The following MGAT4C variants were observed in gnomAD, a reference collection of about 807,000 sequenced individuals.
MGAT4C encodes the protein MGAT4 family member C.
In MGAT4C, 19 loss-of-function variants were observed where a neutral mutation model predicts 40.1. The observed-to-expected ratio is 0.47, with a 90% CI of 0.33 to 0.70. MGAT4C has a LOEUF of 0.70. MGAT4C is among the 30% of genes least tolerant of loss of function. The pLI is 0.02. For synonymous variants in MGAT4C, 181 were observed against 187.1 expected (o/e 0.97, Z 0.27); for missense variants, 491 against 563.2 (o/e 0.87, Z 1.30).
chr12:86,816,148 T>C (rs1020260897), intron 1 of MGAT4C, among the ~76,000 whole-genome samples: 1 of 151,978 alleles, frequency 6.6e-6, no homozygotes, highest in African/African-American at 2.4e-5. Flanking sequence ...GATTGTATGA[T>C]GAAACATGAT....
chr12:86,617,912 G>A (rs1290087979), intron 2 of MGAT4C, among the ~76,000 whole-genome samples: 6 of 152,036 alleles, frequency 3.9e-5, no homozygotes, highest in Non-Finnish European at 7.4e-5. Context: ...GTGAATGAAA[G>A]GAAATACTTG....
At chr12:86,663,082 G>T (rs560515723) in intron 2 of MGAT4C, among the ~76,000 whole-genome samples, 30 of 152,030 alleles carry the variant, frequency 2.0e-4, no homozygotes, top group Non-Finnish European at 3.5e-4. Context: ...AAAAATAAGG[G>T]CCAGGAACTG....
chr12:86,098,676 C>T (rs1006923261), intron 1 of MGAT4C, among the ~76,000 whole-genome samples: 13 of 151,504 alleles, frequency 8.6e-5, no homozygotes, highest in African/African-American at 3.1e-4. Flanking sequence ...TAACATAGAT[C>T]TTTTAAAAAT....
chr12:86,478,392 T>C (rs891686000), intron 2 of MGAT4C, among the ~76,000 whole-genome samples: 4 of 152,144 alleles, frequency 2.6e-5, no homozygotes, highest in African/African-American at 9.7e-5. Flanking sequence ...AACAGTAATG[T>C]ATTCAGGATC....
intron 1 of MGAT4C, among the ~76,000 whole-genome samples, chr12:86,151,344 G>A (rs897566644): frequency 1.3e-5 from 2 of 152,092 alleles, no homozygotes; most frequent in African/African-American, 2.4e-5. Flanking sequence ...CGGGCGCGGT[G>A]GCTCACAACT....
intron 1 of MGAT4C, among the ~76,000 whole-genome samples, chr12:86,120,253 C>T (rs184678277): frequency 1.3e-4 from 19 of 151,424 alleles, no homozygotes; most frequent in African/African-American, 4.1e-4. Flanking sequence ...ACTTTAAGTT[C>T]GAGGGTACAT....
chr12:86,109,772 A>C (rs1228140695), intron 1 of MGAT4C, among the ~76,000 whole-genome samples: 1 of 152,006 alleles, frequency 6.6e-6, no homozygotes. Context: ...AATGTATGAA[A>C]TCCCTAACTT....
intron 2 of MGAT4C, among the ~76,000 whole-genome samples, chr12:86,560,219 T>G (rs908594035): frequency 6.6e-6 from 1 of 151,986 alleles, no homozygotes; most frequent in African/African-American, 2.4e-5. Flanking sequence ...AAAGGAGAGA[T>G]AACATCAATT....
intron 1 of MGAT4C, among the ~76,000 whole-genome samples, chr12:86,772,902 C>A (rs544254195): frequency 6.6e-6 from 1 of 152,148 alleles, no homozygotes; most frequent in South Asian, 2.1e-4. Context: ...GGAGTCTCAC[C>A]CACACGTGGA....
intron 3 of MGAT4C, among the ~76,000 whole-genome samples, chr12:86,344,366 C>T (rs190194772): frequency 1.2e-4 from 18 of 152,256 alleles, no homozygotes; most frequent in South Asian, 2.1e-4. Flanking sequence ...TTAGGTAAGG[C>T]GCTGAAGAAC....
At chr12:86,756,380 C>G (rs1208674277) in intron 1 of MGAT4C, among the ~76,000 whole-genome samples, 2 of 152,072 alleles carry the variant, frequency 1.3e-5, no homozygotes, top group East Asian at 3.9e-4. Context: ...CCTCTGTCTT[C>G]TAATATCACA....
At chr12:86,632,380 A>G (rs1963078571) in intron 2 of MGAT4C, among the ~76,000 whole-genome samples, 1 of 152,316 alleles carries the variant, frequency 6.6e-6, no homozygotes, top group East Asian at 1.9e-4. Context: ...TAGAAATACC[A>G]TTTGAACCAG....
chr12:86,193,607 A>G (rs1479832530), intron 1 of MGAT4C, among the ~76,000 whole-genome samples: 2 of 151,810 alleles, frequency 1.3e-5, no homozygotes, highest in South Asian at 2.1e-4. Flanking sequence ...TTTTCTTTTT[A>G]TTTGGAGGAT....
intron 3 of MGAT4C, among the ~76,000 whole-genome samples, chr12:86,363,161 T>C (rs1446546350): frequency 6.6e-6 from 1 of 152,060 alleles, no homozygotes; most frequent in African/African-American, 2.4e-5. Context: ...TAATATATTA[T>C]CAATATTATT....
intron 2 of MGAT4C, among the ~76,000 whole-genome samples, chr12:86,697,434 G>A (rs1014229031): frequency 6.6e-6 from 1 of 151,790 alleles, no homozygotes; most frequent in East Asian, 1.9e-4. Context: ...CATTTTATAT[G>A]TACAGTATGA....
chr12:86,556,871 G>A (rs1291591617), intron 2 of MGAT4C, among the ~76,000 whole-genome samples: 1 of 152,028 alleles, frequency 6.6e-6, no homozygotes, highest in African/African-American at 2.4e-5. Flanking sequence ...AATGTTGCAC[G>A]TTACATTAAT....
intron 2 of MGAT4C, among the ~76,000 whole-genome samples, chr12:86,037,935 G>T (rs962846252): frequency 2.7e-5 from 4 of 149,442 alleles, no homozygotes; most frequent in African/African-American, 9.7e-5. Context: ...AAGCGTTGGG[G>T]TGATCAGACC....
chr12:86,160,154 G>A (rs1885433304), intron 1 of MGAT4C, among the ~76,000 whole-genome samples: 1 of 151,758 alleles, frequency 6.6e-6, no homozygotes, highest in Admixed American at 6.6e-5. Flanking sequence ...AGATCTTTCT[G>A]TCTTGACAAA....
chr12:86,407,673 A>G (rs1956502404), intron 3 of MGAT4C, among the ~76,000 whole-genome samples: 1 of 151,996 alleles, frequency 6.6e-6, no homozygotes. Flanking sequence ...GTGCAATTTG[A>G]TTCAGTTTCA....
Sources: allele counts gnomAD v4.1 joint callset (sites outside exome capture counted in the v4.1 genomes callset), GRCh38; gene constraint gnomAD v4.1.1; transcripts MANE v1.5; gene names NCBI Gene and HGNC (gene_info 2026-07-23, HGNC 2026-07-21).